CD36: variants seen among roughly 807,000 people sequenced by gnomAD.
The protein encoded by CD36 is CD36 molecule (CD36 blood group), also known as platelet glycoprotein 4.
In CD36, 119 loss-of-function variants were observed where a neutral mutation model predicts 55.2. The ratio of observed to expected loss-of-function variants is 2.15; its 90% CI spans 1.86 to 2.51. The LOEUF (loss-of-function observed/expected upper bound fraction) is 2.51, where lower values mean the gene tolerates loss of function less well. Ranked by LOEUF, CD36 falls within the 30% of genes most tolerant of loss-of-function variation. CD36 has a pLI of 0.00. For missense variants in CD36, 819 were observed against 555.5 expected, an observed-to-expected ratio of 1.47 and a Z score of -4.77; for synonymous variants, 186 against 193.6, an observed-to-expected ratio of 0.96 and a Z score of 0.33.
intron 3 of CD36, among the ~76,000 whole-genome samples, chr7:80,654,372 ATG>A (rs774123709): frequency 5.8e-4 from 89 of 152,180 alleles, no homozygotes; most frequent in Non-Finnish European, 1.0e-3. Context: ...CAAACCTAAT[ATG>A]TACCTTGAGA....
chr7:80,645,183 G>A (rs1795069674), intron 1 of CD36, among the ~76,000 whole-genome samples: 1 of 151,542 alleles, frequency 6.6e-6, no homozygotes, highest in Non-Finnish European at 1.5e-5. Context: ...ACCAAGCCCG[G>A]CTAACTTTGT....
chr7:80,641,942 CAA>C (rs35775198), intron 1 of CD36, among the ~76,000 whole-genome samples: 43,615 of 147,882 alleles, frequency 0.29, 7,081 homozygotes, highest in South Asian at 0.44. Context: ...ACCTGATAAC[CAA>C]AAAAAAAAAA....
At chr7:80,616,121 A>G (rs137924362) in intron 1 of CD36, among the ~76,000 whole-genome samples, 11 of 152,272 alleles carry the variant, frequency 7.2e-5, no homozygotes, top group African/African-American at 2.6e-4. Context: ...GTTATATCCC[A>G]ATAAAGCTAG....
rs754166756 is a variant in CD36, at chr7:80,673,344, G to A, written c.1200-11G>A. Reference sequence around the variant, plus strand: ...TTATATGTTCATAATTATTTTCAACGTATATTACAGAGTATTAAAGAATCT... The same window carrying A: ...TTATATGTTCATAATTATTTTCAACATATATTACAGAGTATTAAAGAATCT... On this transcript the variant is annotated splice_polypyrimidine_tract_variant and intron_variant, in intron 12 of 14. Coordinates refer to ENST00000447544, the MANE Select transcript of CD36 (RefSeq NM_001001548.3). 38 of 1,245,156 alleles carry A rather than the reference G, an allele frequency of 3.1e-5. No homozygotes were observed. Among genetic ancestry groups the A allele is most frequent in the Admixed American group, 1.4e-4 (8 of 57,604 alleles). 77.1% of individuals were successfully genotyped at this position (1,245,156 alleles called of 1,614,324 possible).
rs142148421 is a variant in CD36, at chr7:80,671,138, T to A, written c.980T>A (p.Val327Glu). Residue 327 changes from valine to glutamate, a missense_variant, in exon 10 of 15, where the codon GTG (valine) becomes GAG (glutamate). Physicochemically the swap from Val to Glu is moderately radical, Grantham distance 121 (BLOSUM62 -2). Coordinates refer to ENST00000447544, the MANE Select transcript of CD36 (RefSeq NM_001001548.3). ...IISKNCTSYG[V>E]LDISKCKEGR... ...TCAAAAAATTGTACATCATATGGTG[T>A]GCTAGACATCAGCAAATGCAAAGAA... The A allele has an allele frequency of 3.1e-6, 5 of 1,612,240 alleles. No individual in the cohort carries two copies. Among genetic ancestry groups the A allele is most frequent in the Non-Finnish European group, 4.2e-6 (5 of 1,178,958 alleles).
chr7:80,664,911 C>A (rs1390298794), intron 7 of CD36, among the ~76,000 whole-genome samples: 1 of 147,190 alleles, frequency 6.8e-6, no homozygotes, highest in Non-Finnish European at 1.5e-5. Flanking sequence ...TTTTTTTTTA[C>A]TTTTTAAATC....
At chr7:80,603,389 G>A (rs766041212) in intron 1 of CD36, among the ~76,000 whole-genome samples, 1 of 151,976 alleles carries the variant, frequency 6.6e-6, no homozygotes, top group Non-Finnish European at 1.5e-5. Flanking sequence ...TGAATTCTGG[G>A]GAACCATTTA....
intron 3 of CD36, among the ~76,000 whole-genome samples, chr7:80,648,644 A>G (rs1795361319): frequency 6.6e-6 from 1 of 152,114 alleles, no homozygotes; most frequent in Non-Finnish European, 1.5e-5. Flanking sequence ...AGCTATAACC[A>G]GGGGAAGATA....
At chr7:80,659,556 C>T (rs1292660384) in intron 4 of CD36, among the ~76,000 whole-genome samples, 1 of 152,104 alleles carries the variant, frequency 6.6e-6, no homozygotes, top group Non-Finnish European at 1.5e-5. Context: ...CCAAAACTTC[C>T]ATACAGTCTA....
intron 1 of CD36, chr7:80,633,073 G>T (rs1021795374): frequency 6.6e-6 from 1 of 151,884 alleles, no homozygotes; most frequent in Non-Finnish European, 1.5e-5. Flanking sequence ...AAATGTTTCT[G>T]TTTTTTCCTC....
At position 80,670,624 on chromosome 7, in the gene CD36, G is replaced by A. The variant is rs553062519; in HGVS notation, c.819-353G>A. The A allele has an allele frequency of 8.0e-5, 25 of 311,192 alleles. No individual in the cohort carries two copies. The South Asian group carries it at 8.2e-4, about 10-fold the overall frequency. 19.3% of individuals were successfully genotyped at this position (311,192 alleles called of 1,614,324 possible). On this transcript the variant is annotated intron_variant, in intron 9 of 14. Coordinates refer to ENST00000447544, the MANE Select transcript of CD36 (RefSeq NM_001001548.3). ...CATGTATATGCATACACTCCAGTGAGTGGTCTTTCTTTCCAGGATTAATTA... is the reference window on the plus strand; with the variant it reads ...CATGTATATGCATACACTCCAGTGAATGGTCTTTCTTTCCAGGATTAATTA...
chr7:80,633,128 G>T (rs1794182217), intron 1 of CD36: 1 of 151,800 alleles, frequency 6.6e-6, no homozygotes, highest in African/African-American at 2.4e-5. Flanking sequence ...ACCTAACTAT[G>T]CTGATCATGG....
intron 1 of CD36, among the ~76,000 whole-genome samples, chr7:80,611,328 C>T (rs899683367): frequency 3.3e-5 from 5 of 152,124 alleles, no homozygotes; most frequent in Admixed American, 1.3e-4. Flanking sequence ...TCAAAATCGT[C>T]GTCCCGTGTC....
At chr7:80,666,218 G>A in intron 7 of CD36, 3 of 486,592 alleles carry the variant, frequency 6.2e-6, no homozygotes, top group Non-Finnish European at 7.4e-6. Context: ...TTAACACCTG[G>A]CAGTTTTTAT....
Position 80,646,771 on chromosome 7 carries a change from G to T in CD36, c.31G>T (p.Ala11Ser). Residue 11 changes from alanine (A) to serine (S), a missense_variant, in exon 3 of 15, where the codon GCT (alanine) becomes TCT (serine). Coordinates refer to ENST00000447544, the MANE Select transcript of CD36 (RefSeq NM_001001548.3). ...CTGTGACCGGAACTGTGGGCTCATC[G>T]CTGGGGCTGTCATTGGTGCTGTCCT... The part of the protein sequence containing the change: MGCDRNCGLI[A>S]GAVIGAVLAV... The T allele has an allele frequency of 1.2e-6, 2 of 1,613,972 alleles. No individual in the cohort carries two copies. Among genetic ancestry groups the T allele is most frequent in the Non-Finnish European group, 1.7e-6 (2 of 1,179,942 alleles).
At chr7:80,633,675 C>A (rs1794219711), upstream of CD36, among the ~76,000 whole-genome samples, 1 of 151,952 alleles carries the variant, frequency 6.6e-6, no homozygotes, top group Non-Finnish European at 1.5e-5. Context: ...TTTAATACTT[C>A]TATAAGTGAC....
Position 80,673,996 on chromosome 7 carries a change from G to A in CD36, c.1268G>A (p.Gly423Asp). 2 of 1,611,730 alleles carry A rather than the reference G, an allele frequency of 1.2e-6. No individual in the cohort carries two copies. Among genetic ancestry groups the A allele is most frequent in the Non-Finnish European group, 1.7e-6 (2 of 1,178,390 alleles). Residue 423 changes from glycine to aspartate, a missense_variant, in exon 14 of 15, where the codon GGT (glycine) becomes GAT (aspartate). Gly to Asp is a moderately conservative substitution (Grantham distance 94, BLOSUM62 -1). Transcript: ENST00000447544. ...ILWLNETGTI[G>D]DEKANMFRSQ... ...ACTTGATTACAGACTGGGACCATTG[G>A]TGATGAGAAGGCAAACATGTTCAGA...
chr7:80,654,880 G>GAAAA (rs67640111), intron 3 of CD36, among the ~76,000 whole-genome samples: 1 of 142,966 alleles, frequency 7.0e-6, no homozygotes, highest in Admixed American at 7.0e-5. Context: ...GAGGGTGACG[G>GAAAA]AAAAAAAAAA....
chr7:80,654,537 A>G (rs894592706), intron 3 of CD36, among the ~76,000 whole-genome samples: 9 of 152,168 alleles, frequency 5.9e-5, no homozygotes, highest in Non-Finnish European at 1.2e-4. Flanking sequence ...GAGCTTCAAC[A>G]TCCTCACCAA....
Sources: gnomAD v4.1 joint callset for allele counts (sites outside exome capture counted in the v4.1 genomes callset) on GRCh38, gnomAD v4.1.1 for gene constraint, MANE v1.5 for transcripts, NCBI Gene and HGNC (gene_info 2026-07-23, HGNC 2026-07-21) for gene names.